CALCRL: variants seen among roughly 807,000 people sequenced by gnomAD.
CALCRL encodes calcitonin receptor like receptor.
Under a neutral mutation model 60.4 loss-of-function variants are expected in CALCRL, and 27 were observed. The ratio of observed to expected loss-of-function variants is 0.45; its 90% CI spans 0.33 to 0.62. The LOEUF is 0.62. Among genes scored for constraint, CALCRL ranks in the 20% least tolerant of loss-of-function variants. The pLI is 0.03. For synonymous variants in CALCRL, 190 were observed against 182.6 expected, an observed-to-expected ratio of 1.04 and a Z score of -0.33; for missense variants, 424 against 540.7, an observed-to-expected ratio of 0.78 and a Z score of 2.14.
intron 8 of CALCRL, among the ~76,000 whole-genome samples, chr2:187,372,416 G>A (rs545635120): frequency 9.3e-5 from 14 of 151,342 alleles, no homozygotes; most frequent in African/African-American, 2.9e-4. Flanking sequence ...CTAAAGTTAC[G>A]TCTCTTTCTC....
intron 12 of CALCRL, 138 bp from the exon 13 acceptor site, chr2:187,352,470 G>T (rs1324973784): frequency 5.5e-6 from 3 of 549,372 alleles, no homozygotes; most frequent in Non-Finnish European, 9.8e-6. Context: ...TATTGCCTAA[G>T]GCATTAATTT....
chr2:187,357,669 C>G (rs1385656620), intron 12 of CALCRL, among the ~76,000 whole-genome samples: 2 of 148,368 alleles, frequency 1.3e-5, no homozygotes, highest in African/African-American at 5.0e-5. Context: ...GGGGGAGGGA[C>G]AGCATTGGGA....
At chr2:187,400,403 G>A (rs1393188099) in intron 1 of CALCRL, among the ~76,000 whole-genome samples, 1 of 151,170 alleles carries the variant, frequency 6.6e-6, no homozygotes, top group Non-Finnish European at 1.5e-5. Flanking sequence ...GAAAGAATAC[G>A]GGAAATTATA....
intron 1 of CALCRL, among the ~76,000 whole-genome samples, chr2:187,412,570 T>C (rs1048184379): frequency 6.6e-6 from 1 of 152,250 alleles, no homozygotes. Context: ...ATTAAGCAGA[T>C]CTTCATAAAA....
chr2:187,436,808 A>G (rs898258906), intron 1 of CALCRL, among the ~76,000 whole-genome samples: 1 of 152,168 alleles, frequency 6.6e-6, no homozygotes, highest in Non-Finnish European at 1.5e-5. Context: ...CAAATGTCTT[A>G]TTGGACTAAT....
At chr2:187,415,693 G>A (rs1241660643) in intron 1 of CALCRL, 16 of 587,024 alleles carry the variant, frequency 2.7e-5, no homozygotes, top group Non-Finnish European at 4.1e-5. Flanking sequence ...TGTCTCCTCC[G>A]ACTTCAACAG....
At chr2:187,399,315 C>G (rs1003842730) in intron 1 of CALCRL, among the ~76,000 whole-genome samples, 1 of 151,390 alleles carries the variant, frequency 6.6e-6, no homozygotes, top group Non-Finnish European at 1.5e-5. Flanking sequence ...ATAGTCTTAG[C>G]AGTATATGCT....
rs141983882 is a variant in CALCRL, at chr2:187,378,495, C to A, written c.500+445G>T. 1.7e-3 allele frequency among the ~76,000 whole-genome samples: 255 copies of A among 152,064 alleles called. 1 individual carries two copies. Among genetic ancestry groups the A allele is most frequent in the African/African-American group, 5.8e-3 (240 of 41,490 alleles). On this transcript the variant is annotated intron_variant, in intron 8 of 14. Coordinates refer to ENST00000392370, the MANE Select transcript of CALCRL (RefSeq NM_005795.6). The stretch of plus-strand genomic sequence containing the variant: ...GATGACCCGCCAAACGAGGAAAAAC[C>A]CTAAACAAAGTGTATTTAGATTATA...
At chr2:187,414,319 A>G (rs1444562691) in intron 1 of CALCRL, among the ~76,000 whole-genome samples, 1 of 152,124 alleles carries the variant, frequency 6.6e-6, no homozygotes, top group Non-Finnish European at 1.5e-5. Flanking sequence ...TTTATCTAAG[A>G]AAGTTTCTGA....
intron 1 of CALCRL, among the ~76,000 whole-genome samples, chr2:187,394,604 C>T (rs916092231): frequency 6.6e-6 from 1 of 151,958 alleles, no homozygotes; most frequent in South Asian, 2.1e-4. Flanking sequence ...GCAAGACAAT[C>T]CCATTAGCTA....
intron 1 of CALCRL, among the ~76,000 whole-genome samples, chr2:187,401,761 T>A (rs957589242): frequency 1.3e-5 from 2 of 151,638 alleles, no homozygotes; most frequent in Non-Finnish European, 3.0e-5. Context: ...GATATTTTAA[T>A]TGTGTTATTA....
At chr2:187,414,495 G>A (rs1025885189) in intron 1 of CALCRL, among the ~76,000 whole-genome samples, 1 of 152,100 alleles carries the variant, frequency 6.6e-6, no homozygotes, top group South Asian at 2.1e-4. Context: ...GCATTAAGAG[G>A]AGTTGTAATT....
chr2:187,429,039 G>T (rs1307088230), intron 1 of CALCRL: 1 of 151,856 alleles, frequency 6.6e-6, no homozygotes, highest in African/African-American at 2.4e-5. Context: ...TCTATTAAAT[G>T]ATTAGAAATT....
intron 1 of CALCRL, among the ~76,000 whole-genome samples, chr2:187,396,810 C>T (rs757130037): frequency 3.3e-5 from 5 of 151,500 alleles, no homozygotes; most frequent in South Asian, 2.1e-4. Context: ...TTGTTAATAT[C>T]GTCTCACTGG....
rs574758030 is a variant in CALCRL at position 187,362,507 on chromosome 2, G to A, written c.627+869C>T. ...ATGAGACTGTTTATTGACCCACTTG[G>A]TAAAAATTCTTTCCCTTCCTGATTT... On this transcript the variant is annotated intron_variant, in intron 9 of 14. Transcript: ENST00000392370. Among the ~76,000 whole-genome samples, 43 of 151,754 alleles carry A rather than the reference G, an allele frequency of 2.8e-4. No homozygotes were observed. In the South Asian group the frequency reaches 8.1e-3, roughly 29 times the overall value.
chr2:187,441,748 C>A lies in CALCRL; in HGVS notation c.-293+6291G>T, dbSNP rs543860997. Reference sequence around the variant, plus strand: ...GATTTTAATTTGTTTAGAAAAAGAGCAATTTTAGCATACAGGAAAATATGC... The same window carrying A: ...GATTTTAATTTGTTTAGAAAAAGAGAAATTTTAGCATACAGGAAAATATGC... On this transcript the variant is annotated intron_variant, in intron 1 of 14. Coordinates refer to ENST00000392370, the MANE Select transcript of CALCRL (RefSeq NM_005795.6). Among the ~76,000 whole-genome samples, 43 of 151,810 alleles carry A rather than the reference C, an allele frequency of 2.8e-4. No individual in the cohort carries two copies. In the South Asian group the frequency reaches 7.5e-3, roughly 26 times the overall value.
At chr2:187,358,350 T>C (rs1307220385) in intron 12 of CALCRL, among the ~76,000 whole-genome samples, 1 of 152,044 alleles carries the variant, frequency 6.6e-6, no homozygotes, top group Non-Finnish European at 1.5e-5. Flanking sequence ...AGCAAGACCT[T>C]TTTTCAATTA....
At chr2:187,347,473 A>G (rs1258491996) in intron 14 of CALCRL, among the ~76,000 whole-genome samples, 1 of 151,704 alleles carries the variant, frequency 6.6e-6, no homozygotes, top group Non-Finnish European at 1.5e-5. Flanking sequence ...CTGGTAATTC[A>G]TTTTCTACGT....
chr2:187,399,574 GA>G (rs946445833), intron 1 of CALCRL, among the ~76,000 whole-genome samples: 1 of 151,318 alleles, frequency 6.6e-6, no homozygotes, highest in African/African-American at 2.4e-5. Flanking sequence ...CAGAATGGGA[GA>G]AAAAAATTGC....
Sources: gnomAD v4.1 joint callset for allele counts (sites outside exome capture counted in the v4.1 genomes callset) on GRCh38, gnomAD v4.1.1 for gene constraint, MANE v1.5 for transcripts, NCBI Gene and HGNC (gene_info 2026-07-23, HGNC 2026-07-21) for gene names.